SH3GLB2: variants seen among roughly 807,000 people sequenced by gnomAD.
The protein encoded by SH3GLB2 is endophilin-B2.
A neutral mutation model predicts 48.0 loss-of-function variants in SH3GLB2; 24 were observed. The observed-to-expected ratio is 0.50, with a 90% CI of 0.36 to 0.70. The LOEUF (loss-of-function observed/expected upper bound fraction) is 0.70, where lower values mean the gene tolerates loss of function less well. SH3GLB2 is among the 30% of genes least tolerant of loss of function. The pLI is 0.00. For synonymous variants in SH3GLB2, 227 were observed against 207.6 expected (o/e 1.09, Z -0.80); for missense variants, 425 against 516.0 (o/e 0.82, Z 1.71).
chr9:129,008,588 CTG>C lies in SH3GLB2; in HGVS notation c.*94_*95del. ...CAGAATGGGGTGAATTCTCCCCACT[CTG>C]AACAACTGTGTCACCAACAAACAAG... is the stretch of plus-strand genomic sequence containing the variant. On this transcript the variant is annotated 3_prime_UTR_variant, in exon 11 of 11. Coordinates refer to ENST00000372564, the MANE Select transcript of SH3GLB2 (RefSeq NM_020145.4). 2 of 957,220 alleles carry C rather than the reference CTG, an allele frequency of 2.1e-6. No individual in the cohort carries two copies. The highest frequency in any genetic ancestry group is 2.9e-5 in the South Asian group (2 of 69,362). 59.3% of individuals were successfully genotyped at this position (957,220 alleles called of 1,614,324 possible). A position where few individuals can be genotyped will look rare whatever the true frequency, so the allele number is the denominator to read the frequency against.
At chr9:129,017,988 G>C (rs551302100) in intron 3 of SH3GLB2, among the ~76,000 whole-genome samples, 99 of 151,490 alleles carry the variant, frequency 6.5e-4, no homozygotes, top group Non-Finnish European at 1.1e-3. Flanking sequence ...AGAAGGCTGA[G>C]AGGCTGAGGT....
chr9:129,008,815 G>A (rs535850299), intron 10 of SH3GLB2, 24 bp from the exon 11 acceptor site: 21 of 1,604,760 alleles, frequency 1.3e-5, no homozygotes, highest in African/African-American at 1.2e-4. Flanking sequence ...AGTAGAGGAC[G>A]GTCATGGCCT....
intron 3 of SH3GLB2, among the ~76,000 whole-genome samples, chr9:129,017,096 C>T (rs968017900): frequency 1.3e-5 from 2 of 151,850 alleles, no homozygotes; most frequent in Non-Finnish European, 2.9e-5. Flanking sequence ...TATAGGCGCG[C>T]ACCAGCATGC....
chr9:129,012,051 G>A (rs1843154990), intron 6 of SH3GLB2, 185 bp downstream of exon 6: 2 of 406,680 alleles, frequency 4.9e-6, no homozygotes, highest in Non-Finnish European at 8.5e-6. Context: ...CAGGGCACCG[G>A]GGCCAGGCCG....
At chr9:129,012,536 G>A (rs1419489714) in intron 5 of SH3GLB2, 3 of 420,516 alleles carry the variant, frequency 7.1e-6, no homozygotes, top group African/African-American at 2.0e-5. Context: ...TGGAGCTCAG[G>A]AGAGCAAATG....
At chr9:129,026,875 A>T (rs1007737122) in intron 1 of SH3GLB2, among the ~76,000 whole-genome samples, 17 of 152,182 alleles carry the variant, frequency 1.1e-4, no homozygotes, top group African/African-American at 4.1e-4. Context: ...GGAACACATT[A>T]AGCAGTGAAT....
chr9:129,009,907 C>G (rs749207566), intron 8 of SH3GLB2, 36 bp from the exon 9 acceptor site: 2 of 1,586,146 alleles, frequency 1.3e-6, no homozygotes, highest in Non-Finnish European at 1.7e-6. Flanking sequence ...CTTCTAACCT[C>G]CCGCCCTCAG....
At chr9:129,022,243 C>T (rs776030306) in intron 2 of SH3GLB2, 39 bp downstream of exon 2, 18 of 1,606,762 alleles carry the variant, frequency 1.1e-5, no homozygotes, top group Admixed American at 6.7e-5. Flanking sequence ...CCCTGCCCCA[C>T]GACTACATCC....
intron 1 of SH3GLB2, among the ~76,000 whole-genome samples, chr9:129,025,752 G>C (rs1844124700): frequency 6.6e-6 from 1 of 151,684 alleles, no homozygotes; most frequent in Non-Finnish European, 1.5e-5. Context: ...CCTTACCAAG[G>C]TTCAGAGCAG....
rs1327098980 is a variant in SH3GLB2 at position 129,007,477 on chromosome 9, T to A, written c.*1207A>T. The A allele has an allele frequency of 2.0e-5, 3 of 152,184 alleles. No homozygotes were observed. The highest frequency in any genetic ancestry group is 4.4e-5 in the Non-Finnish European group (3 of 68,028). 9.4% of individuals were successfully genotyped at this position (152,184 alleles called of 1,614,324 possible). A position where few individuals can be genotyped will look rare whatever the true frequency, so the allele number is the denominator to read the frequency against. On this transcript the variant is annotated 3_prime_UTR_variant, in exon 11 of 11. Coordinates refer to ENST00000372564, the MANE Select transcript of SH3GLB2 (RefSeq NM_020145.4). ...AGTGGGGCCTACTGGCTGTTGGCCT[T>A]CTCAGGACTGAAGTCAGAATGCTAG...
At chr9:129,020,414 C>G (rs985650424) in intron 3 of SH3GLB2, among the ~76,000 whole-genome samples, 6 of 150,094 alleles carry the variant, frequency 4.0e-5, no homozygotes, top group African/African-American at 1.2e-4. Context: ...ACTAAAAACA[C>G]AAAAATTAGC....
chr9:129,021,290 C>A, intron 2 of SH3GLB2, 71 bp from the exon 3 acceptor site: 1 of 1,484,648 alleles, frequency 6.7e-7, no homozygotes, highest in South Asian at 1.3e-5. Context: ...GAAACAGACC[C>A]AGACCCGGCC....
intron 7 of SH3GLB2, 152 bp from the exon 8 acceptor site, chr9:129,010,361 C>T (rs1843044654): frequency 5.9e-6 from 4 of 682,620 alleles, no homozygotes; most frequent in African/African-American, 1.8e-5. Flanking sequence ...ACCTGGAGCC[C>T]CAACCCCAGA....
At chr9:129,019,924 C>T (rs910760727) in intron 3 of SH3GLB2, among the ~76,000 whole-genome samples, 7 of 151,566 alleles carry the variant, frequency 4.6e-5, no homozygotes, top group African/African-American at 1.7e-4. Flanking sequence ...CAGGTTCCAG[C>T]CGGGTGCGGT....
intron 5 of SH3GLB2, chr9:129,013,415 G>A: frequency 7.7e-6 from 2 of 261,192 alleles, no homozygotes; most frequent in Non-Finnish European, 1.5e-5. Flanking sequence ...ACGGTGTCTG[G>A]CCCGAAGTGA....
chr9:129,012,599 CT>C (rs768073271), intron 5 of SH3GLB2: 76 of 424,374 alleles, frequency 1.8e-4, no homozygotes, highest in African/African-American at 1.4e-3. Flanking sequence ...GGGCTCTCCC[CT>C]GCCAGGGGCC....
chr9:129,021,820 G>A (rs190334756), intron 2 of SH3GLB2, among the ~76,000 whole-genome samples: 2 of 152,044 alleles, frequency 1.3e-5, no homozygotes, highest in East Asian at 3.9e-4. Context: ...TTAGCTGGGC[G>A]TGGTGGCATG....
At chr9:129,008,875 C>A in intron 10 of SH3GLB2, 84 bp from the exon 11 acceptor site, 2 of 1,369,142 alleles carry the variant, frequency 1.5e-6, no homozygotes, top group Middle Eastern at 2.3e-4. Context: ...GAGCTGCCAC[C>A]TCCCCATGGC....
chr9:129,020,027 A>G (rs1843684527), intron 3 of SH3GLB2, among the ~76,000 whole-genome samples: 1 of 150,930 alleles, frequency 6.6e-6, no homozygotes, highest in African/African-American at 2.4e-5. Context: ...AACATGGTAA[A>G]ACACCGTCTC....
Sources: gnomAD v4.1 joint callset for allele counts (sites outside exome capture counted in the v4.1 genomes callset) on GRCh38, gnomAD v4.1.1 for gene constraint, MANE v1.5 for transcripts, NCBI Gene and HGNC (gene_info 2026-07-23, HGNC 2026-07-21) for gene names.